FAM163A: variants seen among roughly 807,000 people sequenced by gnomAD.
The protein encoded by FAM163A is family with sequence similarity 163 member A, also known as protein FAM163A.
A neutral mutation model predicts 12.0 loss-of-function variants in FAM163A; 7 were observed. The ratio of observed to expected loss-of-function variants is 0.58; its 90% confidence interval spans 0.33 to 1.10. The LOEUF (loss-of-function observed/expected upper bound fraction) is 1.10. FAM163A is among the 50% of genes least tolerant of loss of function. The pLI, the probability that FAM163A is intolerant of heterozygous loss-of-function variation, is 0.03. For missense variants in FAM163A, 202 were observed against 218.6 expected (o/e 0.92, Z 0.48); for synonymous variants, 101 against 91.0 (o/e 1.11, Z -0.62).
chr1:179,808,717 G>A (rs563191556), intron 2 of FAM163A, among the ~76,000 whole-genome samples: 43 of 152,352 alleles, frequency 2.8e-4, no homozygotes, highest in African/African-American at 1.0e-3. Flanking sequence ...CATACTCAGG[G>A]GAGGGGAGTA....
chr1:179,770,160 C>T (rs971153998), intron 1 of FAM163A, among the ~76,000 whole-genome samples: 2 of 152,028 alleles, frequency 1.3e-5, no homozygotes, highest in Admixed American at 6.5e-5. Flanking sequence ...CTGCCTTGGC[C>T]TCTCAAAGTG....
chr1:179,737,651 C>T, the FAM163A span, among the ~76,000 whole-genome samples: 8 of 152,186 alleles, frequency 5.3e-5, no homozygotes, highest in South Asian at 2.1e-4. Context: ...GTGGCTAACA[C>T]GGTGAAACTC....
upstream of FAM163A, among the ~76,000 whole-genome samples, chr1:179,738,978 T>A (rs1386356687): frequency 6.6e-6 from 1 of 152,036 alleles, no homozygotes; most frequent in East Asian, 1.9e-4. Flanking sequence ...GACACATAGA[T>A]CAATGGAATG....
At chr1:179,763,638 A>G (rs1428181376) in intron 1 of FAM163A, among the ~76,000 whole-genome samples, 1 of 152,192 alleles carries the variant, frequency 6.6e-6, no homozygotes, top group Non-Finnish European at 1.5e-5. Context: ...AGACCTGAAG[A>G]TTTAGCTGAT....
intron 1 of FAM163A, among the ~76,000 whole-genome samples, chr1:179,777,690 A>T (rs1689167336): frequency 6.6e-6 from 1 of 152,178 alleles, no homozygotes; most frequent in African/African-American, 2.4e-5. Flanking sequence ...CTGCTTTTTA[A>T]ATATGTAATG....
intron 4 of FAM163A, 75 bp from the exon 5 acceptor site, chr1:179,813,704 C>T (rs1695006637): frequency 1.3e-6 from 2 of 1,547,758 alleles, no homozygotes; most frequent in South Asian, 2.4e-5. Flanking sequence ...GACAGGGGCA[C>T]CTGTGCACGC....
chr1:179,805,659 G>A (rs1174672876), intron 1 of FAM163A, among the ~76,000 whole-genome samples: 2 of 152,110 alleles, frequency 1.3e-5, no homozygotes, highest in Non-Finnish European at 2.9e-5. Flanking sequence ...AGCACCTGAG[G>A]TGGGCCCCCA....
At chr1:179,761,183 T>C (rs957605717) in intron 1 of FAM163A, among the ~76,000 whole-genome samples, 14 of 152,250 alleles carry the variant, frequency 9.2e-5, no homozygotes, top group Non-Finnish European at 1.9e-4. Context: ...GCATTTTGTG[T>C]GTATGAGGGT....
intron 1 of FAM163A, among the ~76,000 whole-genome samples, chr1:179,749,379 G>A (rs1037800037): frequency 6.6e-6 from 1 of 152,154 alleles, no homozygotes; most frequent in African/African-American, 2.4e-5. Flanking sequence ...AATAATGGTG[G>A]CTATAATGAA....
intron 1 of FAM163A, among the ~76,000 whole-genome samples, chr1:179,780,284 A>C (rs1237889597): frequency 6.6e-6 from 1 of 152,254 alleles, no homozygotes; most frequent in Admixed American, 6.5e-5. Context: ...TTATTACTTG[A>C]TTATGCCCTG....
At chr1:179,796,919 C>A (rs1431337579) in intron 1 of FAM163A, among the ~76,000 whole-genome samples, 1 of 152,204 alleles carries the variant, frequency 6.6e-6, no homozygotes, top group East Asian at 1.9e-4. Context: ...GGAGTCTTCC[C>A]CCATGGGTTA....
At chr1:179,770,578 C>T (rs1415020558) in intron 1 of FAM163A, among the ~76,000 whole-genome samples, 2 of 152,114 alleles carry the variant, frequency 1.3e-5, no homozygotes, top group Non-Finnish European at 2.9e-5. Context: ...TCCCTGTGCC[C>T]CAGCCACCCT....
In FAM163A at chr1:179,815,602, T is replaced by C. The variant is rs114457736; in HGVS notation, c.*1413T>C. The C allele has an allele frequency of 6.6e-6, 1 of 152,382 alleles. No individual in the cohort carries two copies. The highest frequency in any genetic ancestry group is 2.4e-5 in the African/African-American group (1 of 41,574). The allele number at this position is 152,382 out of a possible 1,614,324, so 9.4% of individuals were successfully genotyped here. A position where few individuals can be genotyped will look rare whatever the true frequency, so the allele number is the denominator to read the frequency against. ...TCCAACTCCGACTTCCTACTTAGAA[T>C]GTGGCAGTGGCTTTGTGAGTGAGAA... On this transcript the variant is annotated 3_prime_UTR_variant, in exon 5 of 5. Transcript: ENST00000341785.
intron 1 of FAM163A, among the ~76,000 whole-genome samples, chr1:179,756,053 T>A (rs1439956488): frequency 6.6e-6 from 1 of 152,196 alleles, no homozygotes; most frequent in Non-Finnish European, 1.5e-5. Flanking sequence ...CTTTTGGGCA[T>A]CTACTCTAGG....
chr1:179,781,477 G>T (rs182021392), intron 1 of FAM163A, among the ~76,000 whole-genome samples: 19 of 151,914 alleles, frequency 1.3e-4, no homozygotes, highest in African/African-American at 4.6e-4. Flanking sequence ...CCGAGAAAGG[G>T]GCTCAAATGA....
At chr1:179,800,459 A>G (rs2148309433) in intron 1 of FAM163A, among the ~76,000 whole-genome samples, 1 of 152,356 alleles carries the variant, frequency 6.6e-6, no homozygotes, top group East Asian at 1.9e-4. Context: ...CAAGCACTGA[A>G]CAAGCCTGAT....
At chr1:179,797,936 A>T (rs926921104) in intron 1 of FAM163A, among the ~76,000 whole-genome samples, 1 of 152,150 alleles carries the variant, frequency 6.6e-6, no homozygotes, top group Non-Finnish European at 1.5e-5. Flanking sequence ...AACTATTAAG[A>T]ATATAAGGCA....
At position 179,770,444 on chromosome 1, in the gene FAM163A, TAAAAC is replaced by T. The variant is rs1357641393; in HGVS notation, c.-136+27024_-136+27028del. Reference sequence around the variant, plus strand: ...ATCGTGTCACTCATCCCCGTGTACTTAAAACAAGAAAGCCTTCCCATTGCTCTTGG... The same window carrying T: ...ATCGTGTCACTCATCCCCGTGTACTTAAGAAAGCCTTCCCATTGCTCTTGG... On this transcript the variant is annotated intron_variant, in intron 1 of 4. Coordinates refer to ENST00000341785, the MANE Select transcript of FAM163A (RefSeq NM_173509.3). Among the ~76,000 whole-genome samples the T allele has an allele frequency of 2.6e-5, 4 of 152,148 alleles. No homozygotes were observed. The East Asian group carries it at 7.7e-4, about 29-fold the overall frequency.
chr1:179,767,190 A>G (rs1571382835), intron 1 of FAM163A, among the ~76,000 whole-genome samples: 1 of 152,138 alleles, frequency 6.6e-6, no homozygotes, highest in Non-Finnish European at 1.5e-5. Context: ...ACTCTCTGGC[A>G]TGCTCAGATT....
Sources: allele counts gnomAD v4.1 joint callset (sites outside exome capture counted in the v4.1 genomes callset), GRCh38; gene constraint gnomAD v4.1.1; transcripts MANE v1.5; gene names NCBI Gene and HGNC (gene_info 2026-07-23, HGNC 2026-07-21).